The following MOK variants were observed in gnomAD, a reference collection of about 807,000 sequenced individuals.
MOK encodes MOK protein kinase, also known as MAPK/MAK/MRK overlapping kinase.
Under a neutral mutation model 54.2 loss-of-function variants are expected in MOK, and 59 were observed. That is an observed-to-expected ratio of 1.09 (90% CI 0.88 to 1.35). The LOEUF (loss-of-function observed/expected upper bound fraction) is 1.35. MOK is among the 40% of genes most tolerant of loss of function. The pLI is 0.00. For missense variants in MOK, 517 were observed against 526.2 expected (o/e 0.98, Z 0.17); for synonymous variants, 210 against 202.7 (o/e 1.04, Z -0.31).
intron 2 of MOK, chr14:102,283,175 T>TAA (rs5811064): frequency 7.3e-5 from 15 of 204,872 alleles, no homozygotes; most frequent in Middle Eastern, 1.7e-3. Flanking sequence ...TTTTTTTAAT[T>TAA]AAAAAAAAAA....
At chr14:102,218,907 G>A in the MOK span, among the ~76,000 whole-genome samples, 1 of 152,232 alleles carries the variant, frequency 6.6e-6, no homozygotes, top group Non-Finnish European at 1.5e-5. Flanking sequence ...GTGAAGCGTG[G>A]GCGGGCTCCC....
At chr14:102,246,968 G>GC (rs907161235) in intron 7 of MOK, among the ~76,000 whole-genome samples, 3 of 151,876 alleles carry the variant, frequency 2.0e-5, no homozygotes, top group Non-Finnish European at 2.9e-5. Context: ...CGTTTATCTA[G>GC]CCCCCCAGCC....
chr14:102,242,779 A>G (rs1379653021), intron 7 of MOK, among the ~76,000 whole-genome samples: 1 of 152,166 alleles, frequency 6.6e-6, no homozygotes, highest in Non-Finnish European at 1.5e-5. Context: ...TGTTTTGCCT[A>G]TCCACCCTGT....
Position 102,231,158 on chromosome 14 carries a change from T to A in MOK, c.981+549A>T, listed in dbSNP as rs1160327276. The A allele has an allele frequency of 6.6e-6, 1 of 152,468 alleles. No individual in the cohort carries two copies. The highest frequency in any genetic ancestry group is 1.9e-4 in the East Asian group (1 of 5,190). 9.4% of individuals were successfully genotyped at this position (152,468 alleles called of 1,614,324 possible). On this transcript the variant is annotated intron_variant, in intron 10 of 11. Coordinates refer to ENST00000361847, the MANE Select transcript of MOK (RefSeq NM_014226.3). The surrounding 1 kb of genome is among the most constrained non-coding windows in gnomAD (Gnocchi z 4.4). ...GACACAGGGCTGCACCAGGCTAGGATGCCACACGGTAGGTGGGAAGGTGAA... is the reference window on the plus strand; with the variant it reads ...GACACAGGGCTGCACCAGGCTAGGAAGCCACACGGTAGGTGGGAAGGTGAA...
At chr14:102,264,272 AT>A (rs1474367301) in intron 3 of MOK, 1 of 152,738 alleles carries the variant, frequency 6.5e-6, no homozygotes, top group African/African-American at 2.4e-5. Flanking sequence ...ATGACTGCAA[AT>A]TTAATTTTAA....
chr14:102,246,828 C>T (rs962456465), intron 7 of MOK, among the ~76,000 whole-genome samples: 5 of 152,146 alleles, frequency 3.3e-5, no homozygotes, highest in African/African-American at 1.2e-4. Flanking sequence ...CACCACTGTG[C>T]GCCAGCGACA....
downstream of MOK, among the ~76,000 whole-genome samples, chr14:102,226,652 G>A (rs1018902861): frequency 1.3e-5 from 2 of 152,200 alleles, no homozygotes; most frequent in Non-Finnish European, 2.9e-5. The surrounding 1 kb of genome is among the most constrained non-coding windows in gnomAD (Gnocchi z 4.8). Context: ...TGGGGACCCT[G>A]ACGCCTCCTG....
At chr14:102,241,927 GC>G (rs1035381246) in intron 7 of MOK, among the ~76,000 whole-genome samples, 2 of 152,210 alleles carry the variant, frequency 1.3e-5, no homozygotes, top group African/African-American at 4.8e-5. Flanking sequence ...TGGCCACTGG[GC>G]CAAGAAATGC....
At chr14:102,277,013 CTTTTTTTT>C (rs550427492) in intron 2 of MOK, among the ~76,000 whole-genome samples, 1 of 99,958 alleles carries the variant, frequency 1.0e-5, no homozygotes, top group Non-Finnish European at 2.1e-5. Context: ...ATGCCCTGGT[CTTTTTTTT>C]TTTTTTTTTT....
At chr14:102,224,818 C>G (rs2064176336), downstream of MOK, 1 of 455,966 alleles carries the variant, frequency 2.2e-6, no homozygotes, top group Non-Finnish European at 4.4e-6. Context: ...TAATAAAAGA[C>G]ACTAAGACTT....
rs149310813 is a variant in MOK, at chr14:102,233,380, C to T, written c.692+308G>A. 87 of 305,188 alleles carry T rather than the reference C, an allele frequency of 2.9e-4. No homozygotes were observed. In the East Asian group the frequency reaches 5.7e-3, roughly 20 times the overall value. 18.9% of individuals were successfully genotyped at this position (305,188 alleles called of 1,614,324 possible). A position where few individuals can be genotyped will look rare whatever the true frequency, so the allele number is the denominator to read the frequency against. On this transcript the variant is annotated intron_variant, in intron 8 of 11. Coordinates refer to ENST00000361847, the MANE Select transcript of MOK (RefSeq NM_014226.3). ...CCACCTATGCTCTGTGCTTGGGGAA[C>T]GTTTCCACCCAAAGGCTTCTAAGTC...
the MOK span, among the ~76,000 whole-genome samples, chr14:102,218,933 G>A: frequency 3.9e-5 from 6 of 152,318 alleles, no homozygotes; most frequent in African/African-American, 7.2e-5. Context: ...CAGGTCCTCC[G>A]TCGGCCGGGC....
At chr14:102,255,530 G>A (rs575491416) in intron 4 of MOK, among the ~76,000 whole-genome samples, 20 of 149,056 alleles carry the variant, frequency 1.3e-4, no homozygotes, top group East Asian at 3.9e-4. Flanking sequence ...GTAGGGAGCC[G>A]TCCTGGTCCC....
At chr14:102,221,110 C>T (rs1471514936), downstream of MOK, among the ~76,000 whole-genome samples, 3 of 152,236 alleles carry the variant, frequency 2.0e-5, no homozygotes, top group African/African-American at 4.8e-5. This position sits in a 1 kb window ranked among gnomAD's most constrained non-coding sequence, Gnocchi z 4.8. Context: ...AGAGACACCA[C>T]CTTCCTGTGG....
chr14:102,298,287 T>C (rs560688068), intron 1 of MOK, among the ~76,000 whole-genome samples: 1 of 152,190 alleles, frequency 6.6e-6, no homozygotes, highest in African/African-American at 2.4e-5. Context: ...TGGTGGGGAC[T>C]TGCAGAACCT....
rs542462605 is a variant in MOK, at chr14:102,240,905, G to C, written c.591-7116C>G. Reference sequence around the variant, plus strand: ...TCCATTCCCCCTTCTTCTTCCTTAGGCTGTATTCTCAAAAACTTAAAACCT... The same window carrying C: ...TCCATTCCCCCTTCTTCTTCCTTAGCCTGTATTCTCAAAAACTTAAAACCT... On this transcript the variant is annotated intron_variant, in intron 7 of 11. Coordinates refer to ENST00000361847, the MANE Select transcript of MOK (RefSeq NM_014226.3). The surrounding 1 kb of genome is among the most constrained non-coding windows in gnomAD (Gnocchi z 5.4). Among the ~76,000 whole-genome samples the C allele has an allele frequency of 1.3e-5, 2 of 152,052 alleles. No individual in the cohort carries two copies. Among genetic ancestry groups the C allele is most frequent in the African/African-American group, 4.8e-5 (2 of 41,378 alleles).
rs2067652986 is a variant in MOK at position 102,263,571 on chromosome 14, G to A, written c.258C>T (p.Asp86=). Reference sequence around the variant, plus strand: ...CTCGTATTAGCTCATAAATATTCATGTCCATAAGTTCACATATTAGTGCAA... The same window carrying A: ...CTCGTATTAGCTCATAAATATTCATATCCATAAGTTCACATATTAGTGCAA... ...GSLALICELM[D]MNIYELIRGR... Residue 86 remains aspartate (D), a synonymous_variant, in exon 4 of 12, where the codon GAC becomes GAT. Coordinates refer to ENST00000361847, the MANE Select transcript of MOK (RefSeq NM_014226.3). The A allele has an allele frequency of 3.7e-6, 6 of 1,606,082 alleles. No homozygotes were observed. The highest frequency in any genetic ancestry group is 5.1e-6 in the Non-Finnish European group (6 of 1,176,716).
In MOK at chr14:102,236,390, G is replaced by A. The variant is rs1318286452; in HGVS notation, c.591-2601C>T. On this transcript the variant is annotated intron_variant, in intron 7 of 11. Transcript: ENST00000361847. This position sits in a 1 kb window ranked among gnomAD's most constrained non-coding sequence, Gnocchi z 4.5. ...TCATCCCTCTCAGGTCTCAGTTGTG[G>A]GGGCTGATGGACTCATCTTGCGTCC... Among the ~76,000 whole-genome samples the A allele has an allele frequency of 6.6e-6, 1 of 152,120 alleles. No individual in the cohort carries two copies. The highest frequency in any genetic ancestry group is 1.5e-5 in the Non-Finnish European group (1 of 68,022).
rs566203002 is a variant in MOK, at chr14:102,249,056, C to G, written c.590+1756G>C. On this transcript the variant is annotated intron_variant, in intron 7 of 11. Transcript: ENST00000361847. The surrounding 1 kb of genome is among the most constrained non-coding windows in gnomAD (Gnocchi z 5.3). Reference sequence around the variant, plus strand: ...ACTCAGCCTGGCGTGTGCAGCGACCCTCACCACACGGAACACGAGGAACTC... The same window carrying G: ...ACTCAGCCTGGCGTGTGCAGCGACCGTCACCACACGGAACACGAGGAACTC... 7.3e-4 allele frequency among the ~76,000 whole-genome samples: 111 copies of G among 151,750 alleles called. No homozygotes were observed. The highest frequency in any genetic ancestry group is 2.5e-3 in the African/African-American group (104 of 41,402).
Sources: allele counts gnomAD v4.1 joint callset (sites outside exome capture counted in the v4.1 genomes callset), GRCh38; gene constraint gnomAD v4.1.1; non-coding constraint Gnocchi (gnomAD v3.1); transcripts MANE v1.5; gene names NCBI Gene and HGNC (gene_info 2026-07-23, HGNC 2026-07-21).